Variants in ITPR1 observed in about 807,000 individuals in gnomAD.
ITPR1 encodes inositol 1,4,5-trisphosphate-gated calcium channel ITPR1.
A neutral mutation model predicts 318.4 loss-of-function variants in ITPR1; 96 were observed. The observed-to-expected ratio is 0.30, with a 90% CI of 0.26 to 0.36. The LOEUF is 0.36. ITPR1 is among the 10% of genes least tolerant of loss of function. ITPR1 has a pLI of 1.00. For synonymous variants in ITPR1, 1,312 were observed against 1,289.9 expected (o/e 1.02, Z -0.37); for missense variants, 2,440 against 3,460.2 (o/e 0.71, Z 7.40).
intron 60 of ITPR1, chr3:4,831,129 T>TCACA (rs879055532): frequency 6.1e-6 from 2 of 326,588 alleles, no homozygotes; most frequent in African/African-American, 2.6e-5. Flanking sequence ...TCTCTCTCTC[T>TCACA]CTCACACACA....
chr3:4,745,514 C>G (rs2044039373), intron 44 of ITPR1, among the ~76,000 whole-genome samples: 1 of 152,190 alleles, frequency 6.6e-6, no homozygotes, highest in African/African-American at 2.4e-5. Flanking sequence ...TTCTGTGCCT[C>G]CTACAAACGT....
intron 61 of ITPR1, among the ~76,000 whole-genome samples, chr3:4,842,960 T>G (rs1387062448): frequency 1.3e-5 from 2 of 151,448 alleles, no homozygotes; most frequent in Non-Finnish European, 2.9e-5. Flanking sequence ...ATTGAACTAA[T>G]AAAACCAGAA....
intron 55 of ITPR1, among the ~76,000 whole-genome samples, chr3:4,808,176 T>G (rs1575329487): frequency 6.6e-6 from 1 of 152,238 alleles, no homozygotes; most frequent in East Asian, 1.9e-4. Flanking sequence ...ACAGCCGTTT[T>G]GTGAGTGGTC....
intron 5 of ITPR1, among the ~76,000 whole-genome samples, chr3:4,638,262 C>T (rs960217383): frequency 1.3e-5 from 2 of 152,182 alleles, no homozygotes; most frequent in African/African-American, 4.8e-5. Flanking sequence ...CAGGGTTTTA[C>T]CATCCATCAG....
rs1347424480 is a variant in ITPR1, at chr3:4,826,531, G to A, written c.8028+8289G>A. 1.3e-5 allele frequency among the ~76,000 whole-genome samples: 2 copies of A among 152,186 alleles called. No homozygotes were observed. The highest frequency in any genetic ancestry group is 1.5e-5 in the Non-Finnish European group (1 of 68,026). On this transcript the variant is annotated intron_variant, in intron 60 of 61. Transcript: ENST00000649015. This position sits in a 1 kb window ranked among gnomAD's most constrained non-coding sequence, Gnocchi z 4.2. ...CTGGAAACAGTGTGTCAGCGTCACTGGACTCGCCGCCCAGCCAGCCAGCCA... is the reference window on the plus strand; with the variant it reads ...CTGGAAACAGTGTGTCAGCGTCACTAGACTCGCCGCCCAGCCAGCCAGCCA...
chr3:4,844,275 C>G (rs1229060272), intron 61 of ITPR1, among the ~76,000 whole-genome samples: 1 of 152,044 alleles, frequency 6.6e-6, no homozygotes, highest in African/African-American at 2.4e-5. Context: ...GTGCACGCTA[C>G]CATGCCTAGC....
At position 4,795,043 on chromosome 3, in the gene ITPR1, G is replaced by A. The variant is rs762984323; in HGVS notation, c.6809-22G>A. The A allele has an allele frequency of 1.1e-5, 17 of 1,586,488 alleles. No homozygotes were observed. In the East Asian group the frequency reaches 1.1e-4, roughly 11 times the overall value. On this transcript the variant is annotated intron_variant, in intron 52 of 61. Coordinates refer to ENST00000649015, the MANE Select transcript of ITPR1 (RefSeq NM_001378452.1). ...CGGCTTGGGGTCTCCAGCCTCACGC[G>A]GCTTTGCCTTTGTCTCTGCAGCCCA...
At chr3:4,583,831 C>T (rs553013478) in intron 4 of ITPR1, among the ~76,000 whole-genome samples, 201 of 152,218 alleles carry the variant, frequency 1.3e-3, no homozygotes, top group African/African-American at 4.6e-3. Flanking sequence ...TTCTCACCAC[C>T]CATGGCTGGT....
rs1277207069 is a variant in ITPR1 at position 4,683,610 on chromosome 3, C to A, written c.3328-18C>A. On this transcript the variant is annotated intron_variant, in intron 27 of 61. Coordinates refer to ENST00000649015, the MANE Select transcript of ITPR1 (RefSeq NM_001378452.1). Reference sequence around the variant, plus strand: ...CCAAGAAGCTGTTGTGTGCACCTAACGGATTGCGTTCATTAAGGTTCAACT... The same window carrying A: ...CCAAGAAGCTGTTGTGTGCACCTAAAGGATTGCGTTCATTAAGGTTCAACT... 2.5e-6 allele frequency: 4 copies of A among 1,614,012 alleles called. No individual in the cohort carries two copies. Among genetic ancestry groups the A allele is most frequent in the Non-Finnish European group, 3.4e-6 (4 of 1,179,886 alleles).
chr3:4,585,028 G>A (rs566660316), intron 4 of ITPR1, among the ~76,000 whole-genome samples: 220 of 152,296 alleles, frequency 1.4e-3, no homozygotes, highest in African/African-American at 4.9e-3. Flanking sequence ...GTCTACCCAC[G>A]TCAGTGAGAG....
intron 4 of ITPR1, among the ~76,000 whole-genome samples, chr3:4,592,582 C>G (rs2090476220): frequency 6.6e-6 from 1 of 152,076 alleles, no homozygotes; most frequent in African/African-American, 2.4e-5. Context: ...TGTCATGTCT[C>G]CAGGGGCTGG....
At chr3:4,571,470 C>G (rs1424219038) in intron 4 of ITPR1, among the ~76,000 whole-genome samples, 1 of 151,956 alleles carries the variant, frequency 6.6e-6, no homozygotes, top group African/African-American at 2.4e-5. Flanking sequence ...TCCCGAGTAG[C>G]TGGGACTACA....
intron 4 of ITPR1, among the ~76,000 whole-genome samples, chr3:4,524,318 T>G (rs2082806989): frequency 6.6e-6 from 1 of 150,750 alleles, no homozygotes. Flanking sequence ...TTTTTTTTTT[T>G]TTTTTTTTTT....
At chr3:4,730,607 G>A (rs956048737) in intron 42 of ITPR1, among the ~76,000 whole-genome samples, 5 of 151,896 alleles carry the variant, frequency 3.3e-5, no homozygotes, top group African/African-American at 7.3e-5. Flanking sequence ...TGTTCCTGGC[G>A]TCCACGTGCT....
At chr3:4,620,810 A>G (rs1340809392) in intron 4 of ITPR1, among the ~76,000 whole-genome samples, 5 of 151,682 alleles carry the variant, frequency 3.3e-5, no homozygotes. Context: ...TTGAATTTGA[A>G]TCGGGAGATT....
chr3:4,836,679 G>T (rs1268191629), intron 60 of ITPR1, 95 bp from the exon 61 acceptor site: 6 of 1,198,624 alleles, frequency 5.0e-6, no homozygotes, highest in Non-Finnish European at 5.3e-6. Flanking sequence ...TGAGAGTTAG[G>T]AAACATGGCA....
At chr3:4,649,249 A>G (rs1024774225) in intron 10 of ITPR1, among the ~76,000 whole-genome samples, 1 of 152,180 alleles carries the variant, frequency 6.6e-6, no homozygotes, top group Non-Finnish European at 1.5e-5. Flanking sequence ...TGAACAGGAT[A>G]TTTTTGCATA....
chr3:4,507,607 A>G (rs1317074408), intron 2 of ITPR1, among the ~76,000 whole-genome samples: 1 of 152,230 alleles, frequency 6.6e-6, no homozygotes, highest in African/African-American at 2.4e-5. Context: ...TTTTCTTATG[A>G]GCAAGATTAT....
Position 4,654,069 on chromosome 3 carries a change from G to A in ITPR1, c.996+183G>A, listed in dbSNP as rs551400565. Among the ~76,000 whole-genome samples the A allele has an allele frequency of 2.7e-4, 41 of 152,256 alleles. 1 individual carries two copies. Among genetic ancestry groups the A allele is most frequent in the South Asian group, 1.0e-3 (5 of 4,820 alleles). ...GAGGGACCATAGTCCTTTGTGTCTC[G>A]ATTGGTCCAGGGACTGTTGTTGATG... On this transcript the variant is annotated intron_variant, in intron 12 of 61. Transcript: ENST00000649015.
Sources: allele counts gnomAD v4.1 joint callset (sites outside exome capture counted in the v4.1 genomes callset), GRCh38; gene constraint gnomAD v4.1.1; non-coding constraint Gnocchi (gnomAD v3.1); transcripts MANE v1.5; gene names NCBI Gene and HGNC (gene_info 2026-07-23, HGNC 2026-07-21).